Variants in SYNGR4 observed in about 807,000 individuals in gnomAD.
SYNGR4 encodes the protein synaptogyrin 4, also known as synaptogyrin-4.
A neutral mutation model predicts 15.5 loss-of-function variants in SYNGR4; 15 were observed. The ratio of observed to expected loss-of-function variants is 0.97; its 90% CI spans 0.65 to 1.49. SYNGR4 has a LOEUF of 1.49. Ranked by LOEUF, SYNGR4 falls within the 40% of genes most tolerant of loss-of-function variation. SYNGR4 has a pLI of 0.00. For synonymous variants in SYNGR4, 121 were observed against 127.4 expected, an observed-to-expected ratio of 0.95 and a Z score of 0.34; for missense variants, 292 against 299.3, an observed-to-expected ratio of 0.98 and a Z score of 0.18.
At chr19:48,373,408 C>A in intron 2 of SYNGR4, 109 bp from the exon 3 acceptor site, 1 of 923,264 alleles carries the variant, frequency 1.1e-6, no homozygotes, top group Non-Finnish European at 1.7e-6. Flanking sequence ...AGGGAGAGGT[C>A]CAGACGGACC....
chr19:48,376,026 T>G, intron 4 of SYNGR4, 59 bp from the exon 5 acceptor site: 1 of 1,612,704 alleles, frequency 6.2e-7, no homozygotes, highest in East Asian at 2.2e-5. Context: ...CCCAGCCCAG[T>G]CCCTCTCCTG....
chr19:48,375,793 C>A, intron 4 of SYNGR4, 41 bp downstream of exon 4: 1 of 1,595,906 alleles, frequency 6.3e-7, no homozygotes, highest in South Asian at 1.1e-5. Context: ...TAGGAGGGCA[C>A]CCTCTGCAGG....
At chr19:48,367,372 G>T (rs1423548419) in intron 2 of SYNGR4, among the ~76,000 whole-genome samples, 1 of 151,812 alleles carries the variant, frequency 6.6e-6, no homozygotes, top group Non-Finnish European at 1.5e-5. Flanking sequence ...GGTGGAGCTT[G>T]CAGTGAGCCG....
chr19:48,365,458 C>T (rs867026249), intron 1 of SYNGR4, among the ~76,000 whole-genome samples: 139 of 133,026 alleles, frequency 1.0e-3, no homozygotes, highest in Non-Finnish European at 3.4e-4. Flanking sequence ...ATCCTATGCC[C>T]CCCACTCCTG....
At chr19:48,365,635 ACC>A (rs36115825) in intron 1 of SYNGR4, 99 bp from the exon 2 acceptor site, 7 of 224,718 alleles carry the variant, frequency 3.1e-5, no homozygotes, top group Admixed American at 1.4e-4. Flanking sequence ...CATTCCGGGG[ACC>A]CCCCCCATCC....
At chr19:48,374,976 A>G (rs931250611) in intron 3 of SYNGR4, among the ~76,000 whole-genome samples, 1 of 151,362 alleles carries the variant, frequency 6.6e-6, no homozygotes, top group Non-Finnish European at 1.5e-5. Context: ...ACTCTGTCTC[A>G]ATAACAACAA....
At chr19:48,375,998 C>A (rs780178651) in intron 4 of SYNGR4, 87 bp from the exon 5 acceptor site, 1 of 1,595,994 alleles carries the variant, frequency 6.3e-7, no homozygotes, top group South Asian at 1.1e-5. Flanking sequence ...TATCTTTTGT[C>A]TCCTTCCCAG....
chr19:48,367,412 G>A (rs1487308168), intron 2 of SYNGR4, among the ~76,000 whole-genome samples: 5 of 151,208 alleles, frequency 3.3e-5, no homozygotes, highest in Admixed American at 6.6e-5. Context: ...CAGCCTGGGC[G>A]ACAGAGCGAG....
intron 2 of SYNGR4, among the ~76,000 whole-genome samples, chr19:48,367,313 G>C (rs186677340): frequency 6.6e-6 from 1 of 151,774 alleles, no homozygotes; most frequent in Non-Finnish European, 1.5e-5. Context: ...GGCGCCTGTG[G>C]TCCCAGCTAC....
chr19:48,375,111 C>T (rs1403074555), intron 3 of SYNGR4, among the ~76,000 whole-genome samples: 2 of 150,440 alleles, frequency 1.3e-5, no homozygotes, highest in African/African-American at 2.4e-5. Context: ...CTGTAACCTC[C>T]GCCTCCCAGG....
intron 3 of SYNGR4, among the ~76,000 whole-genome samples, chr19:48,375,241 G>A (rs1343907899): frequency 6.6e-6 from 1 of 151,852 alleles, no homozygotes; most frequent in African/African-American, 2.4e-5. Context: ...GCCCGGGCTG[G>A]TCTCGAACAC....
chr19:48,372,566 C>T (rs1417495190), intron 2 of SYNGR4, among the ~76,000 whole-genome samples: 2 of 151,598 alleles, frequency 1.3e-5, no homozygotes, highest in South Asian at 2.1e-4. Flanking sequence ...AGGAGAATGG[C>T]GTGAACCCCG....
intron 3 of SYNGR4, 44 bp downstream of exon 3, chr19:48,373,798 C>T: frequency 1.3e-6 from 2 of 1,592,616 alleles, no homozygotes; most frequent in Non-Finnish European, 1.7e-6. Context: ...CCTCCTCCCG[C>T]TCACAGCCCT....
chr19:48,365,432 G>GA (rs1970190742), intron 1 of SYNGR4, among the ~76,000 whole-genome samples: 1 of 59,932 alleles, frequency 1.7e-5, no homozygotes, highest in Non-Finnish European at 3.5e-5. Context: ...CCATTCCTGG[G>GA]ACCCCCAGCA....
chr19:48,375,920 C>T (rs1970395049), intron 4 of SYNGR4, 165 bp from the exon 5 acceptor site: 2 of 1,514,284 alleles, frequency 1.3e-6, no homozygotes, highest in Non-Finnish European at 1.8e-6. Flanking sequence ...CTCTGAGCAG[C>T]CACAGCCCAG....
chr19:48,365,116 G>T (rs1970174303), intron 1 of SYNGR4, among the ~76,000 whole-genome samples: 1 of 149,004 alleles, frequency 6.7e-6, no homozygotes, highest in Admixed American at 6.7e-5. Flanking sequence ...TCAACCCAGG[G>T]GACCCTTAGC....
chr19:48,365,053 A>C (rs1600937144), intron 1 of SYNGR4, among the ~76,000 whole-genome samples: 4 of 105,912 alleles, frequency 3.8e-5, no homozygotes, highest in Admixed American at 9.5e-5. Context: ...AATCACCCTC[A>C]CCCCAGGCCC....
At chr19:48,372,649 CAAAA>C (rs994483718) in intron 2 of SYNGR4, among the ~76,000 whole-genome samples, 98 of 131,800 alleles carry the variant, frequency 7.4e-4, no homozygotes, top group African/African-American at 2.7e-3. Flanking sequence ...ACTCTGTCTC[CAAAA>C]AAAAAAACAG....
intron 3 of SYNGR4, among the ~76,000 whole-genome samples, chr19:48,374,502 C>T (rs550466064): frequency 2.6e-5 from 4 of 152,310 alleles, no homozygotes; most frequent in Admixed American, 2.6e-4. Context: ...CTCAACTCCT[C>T]CCCACCCTGC....
Sources: allele counts gnomAD v4.1 joint callset (sites outside exome capture counted in the v4.1 genomes callset), GRCh38; gene constraint gnomAD v4.1.1; transcripts MANE v1.5; gene names NCBI Gene and HGNC (gene_info 2026-07-23, HGNC 2026-07-21).